SLFN12L: variants seen among roughly 807,000 people sequenced by gnomAD.
SLFN12L encodes the protein schlafen family member 12 like.
In SLFN12L, 34 loss-of-function variants were observed where a neutral mutation model predicts 34.8. That is an observed-to-expected ratio of 0.98 (90% confidence interval 0.74 to 1.30). The LOEUF (loss-of-function observed/expected upper bound fraction) is 1.30, where lower values mean the gene tolerates loss of function less well. SLFN12L is among the 50% of genes most tolerant of loss of function. The probability of loss-of-function intolerance (pLI) is 0.00; values close to 1 mark genes in which losing one functional copy is unlikely to be tolerated. For missense variants in SLFN12L, 703 were observed against 696.2 expected (o/e 1.01, Z -0.11); for synonymous variants, 259 against 247.5 (o/e 1.05, Z -0.44).
chr17:35,477,889 A>G (rs1914108842), intron 4 of SLFN12L, 186 bp downstream of exon 4: 2 of 482,266 alleles, frequency 4.1e-6, no homozygotes, highest in Non-Finnish European at 7.4e-6. Flanking sequence ...TGAACGAACA[A>G]TTCTACCCCT....
intron 2 of SLFN12L, among the ~76,000 whole-genome samples, chr17:35,494,091 TG>T (rs1597850779): frequency 6.6e-6 from 1 of 152,306 alleles, no homozygotes; most frequent in East Asian, 1.9e-4. Flanking sequence ...TGTCAGAGTG[TG>T]GGAATTTATT....
At chr17:35,512,359 A>ATTTTTTTTT (rs35126425) in intron 2 of SLFN12L, among the ~76,000 whole-genome samples, 1 of 53,868 alleles carries the variant, frequency 1.9e-5, no homozygotes, top group African/African-American at 9.8e-5. Flanking sequence ...AAAAGAGCTG[A>ATTTTTTTTT]TTTTTTTTTT....
chr17:35,508,059 C>T (rs1915520056), intron 2 of SLFN12L, among the ~76,000 whole-genome samples: 1 of 152,230 alleles, frequency 6.6e-6, no homozygotes, highest in Non-Finnish European at 1.5e-5. Context: ...CTGACCTAAT[C>T]AGTTACGTTA....
chr17:35,536,945 G>T (rs551830431), intron 1 of SLFN12L, among the ~76,000 whole-genome samples: 7 of 152,186 alleles, frequency 4.6e-5, no homozygotes, highest in African/African-American at 1.7e-4. Flanking sequence ...GGAGGCCAAG[G>T]TGGGACGATT....
rs765444743 is a variant in SLFN12L, at chr17:35,472,160, C to T, written c.*2763G>A. 4.6e-5 allele frequency among the ~76,000 whole-genome samples: 7 copies of T among 152,090 alleles called. No homozygotes were observed. Among genetic ancestry groups the T allele is most frequent in the Non-Finnish European group, 7.4e-5 (5 of 68,012 alleles). ...CATGCCTATGTCCTGAATGGTATTG[C>T]CTAGGTTTTCTTCTAGAGTTTTTAT... On this transcript the variant is annotated 3_prime_UTR_variant, in exon 5 of 5. Transcript: ENST00000628453.
At chr17:35,484,992 C>T (rs182528316) in intron 2 of SLFN12L, among the ~76,000 whole-genome samples, 4 of 152,248 alleles carry the variant, frequency 2.6e-5, no homozygotes, top group Admixed American at 2.6e-4. Context: ...TTGTCCATTT[C>T]ATCTAGGTTA....
chr17:35,524,183 A>T (rs544445523), intron 1 of SLFN12L, among the ~76,000 whole-genome samples: 42 of 152,220 alleles, frequency 2.8e-4, no homozygotes, highest in Non-Finnish European at 5.0e-4. Context: ...AGGAGATGGC[A>T]TCTATTATGA....
At chr17:35,493,767 A>C (rs955955693) in intron 2 of SLFN12L, among the ~76,000 whole-genome samples, 3 of 152,222 alleles carry the variant, frequency 2.0e-5, no homozygotes, top group African/African-American at 7.2e-5. Flanking sequence ...ATGTAAGTTG[A>C]CATGTAGTCT....
intron 2 of SLFN12L, among the ~76,000 whole-genome samples, chr17:35,517,902 T>C (rs1915880773): frequency 6.6e-6 from 1 of 152,178 alleles, no homozygotes; most frequent in Non-Finnish European, 1.5e-5. Flanking sequence ...TAACTCAAGA[T>C]GGATTAAAGA....
chr17:35,497,316 G>C (rs1325070666), intron 2 of SLFN12L, among the ~76,000 whole-genome samples: 1 of 152,080 alleles, frequency 6.6e-6, no homozygotes, highest in Non-Finnish European at 1.5e-5. Flanking sequence ...GCTTGAACCC[G>C]GGAGGCGGAG....
chr17:35,514,422 T>G (rs1280513615), intron 2 of SLFN12L, among the ~76,000 whole-genome samples: 1 of 152,244 alleles, frequency 6.6e-6, no homozygotes, highest in Non-Finnish European at 1.5e-5. Context: ...CATTCTTCAG[T>G]TTCTCCTACA....
chr17:35,510,008 A>G (rs1342667760), intron 2 of SLFN12L: 1 of 152,168 alleles, frequency 6.6e-6, no homozygotes, highest in East Asian at 1.9e-4. Flanking sequence ...AAAAATAGAG[A>G]CTCTTAATGG....
intron 2 of SLFN12L, among the ~76,000 whole-genome samples, chr17:35,510,429 A>T (rs1425391830): frequency 6.6e-6 from 1 of 152,258 alleles, no homozygotes; most frequent in Non-Finnish European, 1.5e-5. Flanking sequence ...CATAAAAAGA[A>T]ATGAAGCACT....
intron 2 of SLFN12L, among the ~76,000 whole-genome samples, chr17:35,486,259 C>T (rs1389256652): frequency 6.6e-6 from 1 of 152,210 alleles, no homozygotes; most frequent in African/African-American, 2.4e-5. Flanking sequence ...CTTGCAGCCT[C>T]TGTAACTGGA....
chr17:35,512,256 A>G lies in SLFN12L; in HGVS notation c.86+10023T>C, dbSNP rs373566438. 9.0e-4 allele frequency among the ~76,000 whole-genome samples: 113 copies of G among 126,138 alleles called. 1 individual carries two copies. Among genetic ancestry groups the G allele is most frequent in the African/African-American group, 3.5e-3 (112 of 32,118 alleles). 82.8% of individuals were successfully genotyped at this position (126,138 alleles called of 152,430 possible). On this transcript the variant is annotated intron_variant, in intron 2 of 4. Transcript: ENST00000628453. Reference sequence around the variant, plus strand: ...TGCAAGCTCCGCCTCCCGGGTTCACACCATTCTCCTACCTCAGGGACTTGG... The same window carrying G: ...TGCAAGCTCCGCCTCCCGGGTTCACGCCATTCTCCTACCTCAGGGACTTGG...
intron 1 of SLFN12L, among the ~76,000 whole-genome samples, chr17:35,525,887 GC>G (rs920300142): frequency 6.6e-6 from 1 of 152,088 alleles, no homozygotes; most frequent in African/African-American, 2.4e-5. Flanking sequence ...TGGGCTAAAT[GC>G]CCCAATTAAA....
intron 2 of SLFN12L, among the ~76,000 whole-genome samples, chr17:35,489,811 G>C (rs1382682264): frequency 2.6e-5 from 4 of 152,126 alleles, no homozygotes; most frequent in South Asian, 4.1e-4. Flanking sequence ...ATCAAAACAA[G>C]TCACCTTGCC....
At chr17:35,492,056 T>G (rs1914858782) in intron 2 of SLFN12L, among the ~76,000 whole-genome samples, 1 of 152,222 alleles carries the variant, frequency 6.6e-6, no homozygotes, top group East Asian at 1.9e-4. Flanking sequence ...ACTTTTTATT[T>G]TTTTAGCTGC....
rs754406631 is a variant in SLFN12L, at chr17:35,522,308, A to C, written c.57T>G (p.Cys19Trp). 6.2e-7 allele frequency: 1 copy of C among 1,614,070 alleles called. No individual in the cohort carries two copies. Among genetic ancestry groups the C allele is most frequent in the African/African-American group, 1.3e-5 (1 of 74,926 alleles). Residue 19 changes from cysteine (C) to tryptophan (W), a missense_variant, in exon 2 of 5, where the codon TGT becomes TGG. Coordinates refer to ENST00000628453, the MANE Select transcript of SLFN12L (RefSeq NM_001363830.2). ...TGAAATTCCTCAGAAACTGACTTTC[A>C]CAAATGTAGAGAATTCTGTGTGCCT... ...HCEAHRILYI[C>W]ESQFLRNFIR...
Sources: gnomAD v4.1 joint callset for allele counts (sites outside exome capture counted in the v4.1 genomes callset) on GRCh38, gnomAD v4.1.1 for gene constraint, MANE v1.5 for transcripts, NCBI Gene and HGNC (gene_info 2026-07-23, HGNC 2026-07-21) for gene names.